Variants in ANKRD62 observed in about 807,000 individuals in gnomAD.
ANKRD62 encodes the protein ankyrin repeat domain 62.
A neutral mutation model predicts 98.8 loss-of-function variants in ANKRD62; 61 were observed. That is an observed-to-expected ratio of 0.62 (90% CI 0.50 to 0.76). The LOEUF (loss-of-function observed/expected upper bound fraction) is 0.76, where lower values mean the gene tolerates loss of function less well. Among genes scored for constraint, ANKRD62 ranks in the 30% least tolerant of loss-of-function variants. The probability of loss-of-function intolerance (pLI) is 0.00; values close to 1 mark genes in which losing one functional copy is unlikely to be tolerated. For missense variants in ANKRD62, 933 were observed against 1,082.9 expected (o/e 0.86, Z 1.94); for synonymous variants, 341 against 367.9 (o/e 0.93, Z 0.84).
chr18:12,107,702 C>T (rs1909445851), intron 8 of ANKRD62, among the ~76,000 whole-genome samples: 1 of 152,110 alleles, frequency 6.6e-6, no homozygotes, highest in African/African-American at 2.4e-5. Flanking sequence ...TCCTCTTATA[C>T]ACTGTTGCTA....
chr18:12,153,607 A>AAAAAAAAAAAAG, the ANKRD62 span, among the ~76,000 whole-genome samples: 1 of 141,040 alleles, frequency 7.1e-6, no homozygotes, highest in Non-Finnish European at 1.5e-5. Flanking sequence ...AAAAAAAAAA[A>AAAAAAAAAAAAG]AAAGAAAGAA....
At chr18:12,165,807 C>T in the ANKRD62 span, among the ~76,000 whole-genome samples, 9 of 151,992 alleles carry the variant, frequency 5.9e-5, no homozygotes, top group African/African-American at 2.2e-4. Flanking sequence ...TGAAGAACTC[C>T]CTTTAGCTTT....
At chr18:12,152,506 A>G in the ANKRD62 span, among the ~76,000 whole-genome samples, 1 of 152,226 alleles carries the variant, frequency 6.6e-6, no homozygotes, top group Non-Finnish European at 1.5e-5. Flanking sequence ...CAATATTTGC[A>G]GAAAAGTCTT....
chr18:12,161,513 A>G, the ANKRD62 span, among the ~76,000 whole-genome samples: 2 of 152,138 alleles, frequency 1.3e-5, no homozygotes, highest in African/African-American at 4.8e-5. Context: ...CTTCTCAAGC[A>G]TTCATCTTTT....
At chr18:12,096,119 A>T in intron 3 of ANKRD62, 77 bp from the exon 4 acceptor site, 1 of 968,868 alleles carries the variant, frequency 1.0e-6, no homozygotes, top group East Asian at 2.7e-5. Context: ...AGTTCATAGG[A>T]TCTTAACATA....
intron 12 of ANKRD62, among the ~76,000 whole-genome samples, chr18:12,124,756 C>T (rs1909853473): frequency 6.6e-6 from 1 of 152,116 alleles, no homozygotes; most frequent in African/African-American, 2.4e-5. Flanking sequence ...ATTTGTATAT[C>T]TACCCCATGG....
intron 6 of ANKRD62, chr18:12,102,414 A>G (rs1378404207): frequency 3.9e-6 from 2 of 515,418 alleles, no homozygotes; most frequent in Non-Finnish European, 7.3e-6. Flanking sequence ...GTTCGCAGCA[A>G]CAGAGCTCAG....
chr18:12,151,265 CA>C, the ANKRD62 span, among the ~76,000 whole-genome samples: 1 of 152,310 alleles, frequency 6.6e-6, no homozygotes, highest in Non-Finnish European at 1.5e-5. Flanking sequence ...GCATCCAGCA[CA>C]TGAGCACCTA....
At chr18:12,173,899 T>C in the ANKRD62 span, among the ~76,000 whole-genome samples, 2 of 152,222 alleles carry the variant, frequency 1.3e-5, no homozygotes. Context: ...TGAGCTGACC[T>C]TTCTCTCTAG....
At chr18:12,156,809 G>A in the ANKRD62 span, among the ~76,000 whole-genome samples, 5 of 152,146 alleles carry the variant, frequency 3.3e-5, no homozygotes, top group Non-Finnish European at 7.3e-5. Context: ...GTGTACGTGG[G>A]TTGTAACTTT....
chr18:12,157,624 C>T, the ANKRD62 span, among the ~76,000 whole-genome samples: 2 of 152,282 alleles, frequency 1.3e-5, no homozygotes, highest in South Asian at 2.1e-4. Flanking sequence ...CTAGTGTGTT[C>T]GCTTGTGCTC....
At chr18:12,131,572 C>T (rs985041554), downstream of ANKRD62, among the ~76,000 whole-genome samples, 6 of 152,064 alleles carry the variant, frequency 3.9e-5, no homozygotes, top group East Asian at 3.8e-4. Context: ...TCAGCTTGCA[C>T]GCTGAAACTG....
At chr18:12,121,967 T>C (rs1909791191) in intron 10 of ANKRD62, among the ~76,000 whole-genome samples, 1 of 152,182 alleles carries the variant, frequency 6.6e-6, no homozygotes, top group Non-Finnish European at 1.5e-5. Flanking sequence ...TATTTCTCAG[T>C]GTCTCTTTCT....
At position 12,121,987 on chromosome 18, in the gene ANKRD62, G is replaced by A. The variant is rs1909791690; in HGVS notation, c.1241-316G>A. 3.9e-5 allele frequency among the ~76,000 whole-genome samples: 6 copies of A among 151,920 alleles called. No individual in the cohort carries two copies. The South Asian group carries it at 1.0e-3, about 26-fold the overall frequency. ...CTCAGTGTCTCTTTCTCTTCCTCAG[G>A]GAAATCTTCCCTGAGCCAAGTATAG... is the stretch of plus-strand genomic sequence containing the variant. On this transcript the variant is annotated intron_variant, in intron 10 of 13. Transcript: ENST00000587848.
chr18:12,094,643 G>A, intron 1 of ANKRD62, among the ~76,000 whole-genome samples: 1 of 30,116 alleles, frequency 3.3e-5, no homozygotes, highest in East Asian at 1.0e-3. Context: ...ACTGGTGGGG[G>A]GTGGGATGGG....
At position 12,096,314 on chromosome 18, in the gene ANKRD62, C is replaced by A; in HGVS notation, c.614+12C>A. The stretch of plus-strand genomic sequence containing the variant: ...GATAATTTTGGAAGGTACAGTAGTT[C>A]TTTTTTTGTTCATTTTTAAACCTGA... On this transcript the variant is annotated intron_variant, in intron 4 of 13. Coordinates refer to ENST00000587848, the MANE Select transcript of ANKRD62 (RefSeq NM_001277333.2). The A allele has an allele frequency of 6.9e-7, 1 of 1,459,406 alleles. No individual in the cohort carries two copies. The highest frequency in any genetic ancestry group is 9.2e-7 in the Non-Finnish European group (1 of 1,088,216). 90.4% of individuals were successfully genotyped at this position (1,459,406 alleles called of 1,614,324 possible).
chr18:12,117,976 C>G (rs1568063792), intron 10 of ANKRD62, among the ~76,000 whole-genome samples: 2 of 151,916 alleles, frequency 1.3e-5, no homozygotes, highest in Non-Finnish European at 2.9e-5. Context: ...TTTCAAATAC[C>G]CTCTACCTGC....
intron 6 of ANKRD62, among the ~76,000 whole-genome samples, chr18:12,100,135 A>G (rs908967768): frequency 6.6e-6 from 1 of 152,180 alleles, no homozygotes; most frequent in African/African-American, 2.4e-5. Context: ...TGAAATCTGT[A>G]TATAACTCTG....
At chr18:12,132,723 C>T (rs1216696967), downstream of ANKRD62, among the ~76,000 whole-genome samples, 3 of 151,958 alleles carry the variant, frequency 2.0e-5, no homozygotes, top group Non-Finnish European at 4.4e-5. Flanking sequence ...TTTTCTGCAT[C>T]TAATACATAA....
Sources: gnomAD v4.1 joint callset for allele counts (sites outside exome capture counted in the v4.1 genomes callset) on GRCh38, gnomAD v4.1.1 for gene constraint, MANE v1.5 for transcripts, NCBI Gene and HGNC (gene_info 2026-07-23, HGNC 2026-07-21) for gene names.